Variants in MAP2K1 observed in about 807,000 individuals in gnomAD.
MAP2K1 encodes mitogen-activated protein kinase kinase 1, also known as dual specificity mitogen-activated protein kinase kinase 1.
A neutral mutation model predicts 46.3 loss-of-function variants in MAP2K1; 16 were observed. The observed-to-expected ratio is 0.35, with a 90% CI of 0.23 to 0.52. The LOEUF is 0.52. MAP2K1 is among the 20% of genes least tolerant of loss of function. The probability of loss-of-function intolerance (pLI) is 0.94; values close to 1 mark genes in which losing one functional copy is unlikely to be tolerated. For synonymous variants in MAP2K1, 183 were observed against 185.6 expected (o/e 0.99, Z 0.11); for missense variants, 263 against 497.1 (o/e 0.53, Z 4.48).
intron 3 of MAP2K1, among the ~76,000 whole-genome samples, chr15:66,440,494 T>G (rs1275013679): frequency 1.3e-5 from 2 of 152,240 alleles, no homozygotes; most frequent in African/African-American, 4.8e-5. Context: ...ATAAGCTCTG[T>G]GTGCACTGCC....
chr15:66,415,958 A>C (rs1420553311), intron 1 of MAP2K1, among the ~76,000 whole-genome samples: 1 of 152,100 alleles, frequency 6.6e-6, no homozygotes, highest in African/African-American at 2.4e-5. Context: ...AGGCCTGGTA[A>C]TATTACAGAA....
intron 5 of MAP2K1, among the ~76,000 whole-genome samples, chr15:66,455,240 T>G (rs575388938): frequency 6.6e-6 from 1 of 152,330 alleles, no homozygotes; most frequent in African/African-American, 2.4e-5. Flanking sequence ...CTAGTCCAGG[T>G]TGAAAGTGAT....
intron 5 of MAP2K1, among the ~76,000 whole-genome samples, chr15:66,447,956 G>T (rs936429749): frequency 6.6e-6 from 1 of 151,766 alleles, no homozygotes; most frequent in Non-Finnish European, 1.5e-5. Flanking sequence ...TTCGAGACCA[G>T]ACTGGCCAAC....
chr15:66,401,754 A>G (rs534219686), intron 1 of MAP2K1: 9 of 152,326 alleles, frequency 5.9e-5, no homozygotes, highest in African/African-American at 2.2e-4. Context: ...GAGAGCCTTC[A>G]TGGAGGAGAT....
intron 7 of MAP2K1, 107 bp downstream of exon 7, chr15:66,485,298 C>G (rs892539416): frequency 4.5e-5 from 50 of 1,121,466 alleles, no homozygotes; most frequent in Non-Finnish European, 5.8e-5. Flanking sequence ...AAGACTGATT[C>G]TCTGTCCCTG....
Position 66,439,538 on chromosome 15 carries a change from G to A in MAP2K1, c.438+2646G>A, listed in dbSNP as rs111513849. Reference sequence around the variant, plus strand: ...TTCCAGCACTTTGGGAGGCTAAGGCGGGCAGATCACCTGAGGTCAGGAGTT... The same window carrying A: ...TTCCAGCACTTTGGGAGGCTAAGGCAGGCAGATCACCTGAGGTCAGGAGTT... On this transcript the variant is annotated intron_variant, in intron 3 of 10. Transcript: ENST00000307102. Among the ~76,000 whole-genome samples the A allele has an allele frequency of 8.6e-3, 1,310 of 152,230 alleles. 27 individuals are homozygous for A. The highest frequency in any genetic ancestry group is 0.03 in the African/African-American group (1,247 of 41,542).
chr15:66,424,337 C>T (rs948495598), intron 1 of MAP2K1, among the ~76,000 whole-genome samples: 2 of 152,100 alleles, frequency 1.3e-5, no homozygotes, highest in Admixed American at 6.5e-5. Context: ...GGATTACAGG[C>T]ATGAGCCACC....
rs72750440 is a variant in MAP2K1 at position 66,409,862 on chromosome 15, A to G, written c.80+22435A>G. ...AGAATTACATTGTGGTTTTTAAAGA[A>G]TTTTTTTCTGTATATTTTTCTATTC... is the stretch of plus-strand genomic sequence containing the variant. On this transcript the variant is annotated intron_variant, in intron 1 of 10. Coordinates refer to ENST00000307102, the MANE Select transcript of MAP2K1 (RefSeq NM_002755.4). Among the ~76,000 whole-genome samples the G allele has an allele frequency of 8.2e-3, 1,244 of 152,216 alleles. 10 individuals are homozygous for G. The highest frequency in any genetic ancestry group is 0.014 in the Admixed American group (208 of 15,288).
chr15:66,486,949 A>G (rs1893055634), intron 7 of MAP2K1, among the ~76,000 whole-genome samples: 1 of 152,234 alleles, frequency 6.6e-6, no homozygotes, highest in African/African-American at 2.4e-5. Flanking sequence ...GGGAAAGGAC[A>G]GACATAATTA....
At chr15:66,442,064 T>C (rs1032080174) in intron 3 of MAP2K1, among the ~76,000 whole-genome samples, 1 of 152,212 alleles carries the variant, frequency 6.6e-6, no homozygotes, top group Non-Finnish European at 1.5e-5. Context: ...AGAGCCTGGC[T>C]TCACACCATA....
In MAP2K1 at chr15:66,485,157, A is replaced by C. The variant is rs950469885; in HGVS notation, c.861A>C (p.Pro287=). Residue 287 remains proline, a synonymous_variant, in exon 7 of 11, where the codon CCA becomes CCC. Transcript: ENST00000307102. ...CQVEGDAAET[P]PRPRTPGRPL... ...TGGAAGGAGATGCGGCTGAGACCCC[A>C]CCCAGGCCAAGGACCCCCGGGAGGC... 3.7e-6 allele frequency: 6 copies of C among 1,613,884 alleles called. No individual in the cohort carries two copies. The highest frequency in any genetic ancestry group is 5.1e-6 in the Non-Finnish European group (6 of 1,180,002).
chr15:66,404,692 G>A (rs1029915799), intron 1 of MAP2K1, among the ~76,000 whole-genome samples: 1 of 152,194 alleles, frequency 6.6e-6, no homozygotes, highest in Non-Finnish European at 1.5e-5. Context: ...TTTCGGTTAC[G>A]TTGAACAAAG....
At chr15:66,453,570 AGTTCAG>A (rs1892091022) in intron 5 of MAP2K1, 1 of 702,220 alleles carries the variant, frequency 1.4e-6, no homozygotes, top group Non-Finnish European at 2.6e-6. Flanking sequence ...TGGAAACCTG[AGTTCAG>A]GTGAAAATGA....
chr15:66,397,036 G>A lies in MAP2K1; in HGVS notation c.80+9609G>A, dbSNP rs1234082338. On this transcript the variant is annotated intron_variant, in intron 1 of 10. Transcript: ENST00000307102. ...TTTTTTTTTTTTGAGATGGAGTCTT[G>A]CTCTGTCGCCCAGGCTGGAGTGCAG... is the stretch of plus-strand genomic sequence containing the variant. 9.4e-5 allele frequency among the ~76,000 whole-genome samples: 9 copies of A among 95,906 alleles called. 1 individual carries two copies. The highest frequency in any genetic ancestry group is 0.013 in the Middle Eastern group (1 of 78). 62.9% of individuals were successfully genotyped at this position (95,906 alleles called of 152,430 possible).
chr15:66,435,727 A>G (rs1190488601), intron 2 of MAP2K1, among the ~76,000 whole-genome samples: 2 of 152,212 alleles, frequency 1.3e-5, no homozygotes, highest in African/African-American at 4.8e-5. Flanking sequence ...TCTGGAAAAT[A>G]ATAAGTGACT....
At chr15:66,417,470 C>G (rs1262150564) in intron 1 of MAP2K1, among the ~76,000 whole-genome samples, 1 of 151,994 alleles carries the variant, frequency 6.6e-6, no homozygotes, top group Non-Finnish European at 1.5e-5. Flanking sequence ...ACTTGAGAAA[C>G]TGAGGTGGGA....
At chr15:66,395,202 G>A (rs887455498) in intron 1 of MAP2K1, among the ~76,000 whole-genome samples, 1 of 152,130 alleles carries the variant, frequency 6.6e-6, no homozygotes, top group Non-Finnish European at 1.5e-5. Flanking sequence ...TGCAGTATAT[G>A]CCTATGATGA....
At chr15:66,463,301 CGAAG>C (rs1892377303) in intron 5 of MAP2K1, among the ~76,000 whole-genome samples, 1 of 152,166 alleles carries the variant, frequency 6.6e-6, no homozygotes, top group Non-Finnish European at 1.5e-5. Flanking sequence ...GAGTCAAACA[CGAAG>C]GGAACATATA....
At chr15:66,433,281 A>T (rs186661351) in intron 1 of MAP2K1, among the ~76,000 whole-genome samples, 4 of 152,288 alleles carry the variant, frequency 2.6e-5, no homozygotes, top group Non-Finnish European at 5.9e-5. Flanking sequence ...TAGCTGCCTC[A>T]GTTTGCTTGG....
Sources: gnomAD v4.1 joint callset for allele counts (sites outside exome capture counted in the v4.1 genomes callset) on GRCh38, gnomAD v4.1.1 for gene constraint, MANE v1.5 for transcripts, NCBI Gene and HGNC (gene_info 2026-07-23, HGNC 2026-07-21) for gene names.